TSGA10: variants seen among roughly 807,000 people sequenced by gnomAD.
The protein encoded by TSGA10 is testis specific 10.
A neutral mutation model predicts 96.6 loss-of-function variants in TSGA10; 43 were observed. The observed-to-expected ratio is 0.44, with a 90% CI of 0.35 to 0.57. The LOEUF is 0.57. Ranked by LOEUF, TSGA10 falls within the 20% of genes least tolerant of loss-of-function variation. TSGA10 has a pLI of 0.01. For missense variants in TSGA10, 703 were observed against 834.4 expected (o/e 0.84, Z 1.94); for synonymous variants, 229 against 269.9 (o/e 0.85, Z 1.48).
chr2:99,037,425 A>T (rs1333220910), intron 16 of TSGA10, among the ~76,000 whole-genome samples: 1 of 152,366 alleles, frequency 6.6e-6, no homozygotes, highest in Admixed American at 6.5e-5. Context: ...TCACAAAAAA[A>T]ATTTAGAATA....
At chr2:99,105,863 G>T (rs906913871) in intron 7 of TSGA10, among the ~76,000 whole-genome samples, 166 bp from the exon 8 acceptor site, 1 of 152,074 alleles carries the variant, frequency 6.6e-6, no homozygotes, top group Non-Finnish European at 1.5e-5. Context: ...AAATGAAAAT[G>T]AATATATTTA....
At chr2:99,129,852 T>C (rs537669945) in intron 1 of TSGA10, among the ~76,000 whole-genome samples, 2 of 152,350 alleles carry the variant, frequency 1.3e-5, no homozygotes, top group East Asian at 1.9e-4. Flanking sequence ...GAGTTCTCAC[T>C]GTTTAACTCC....
chr2:99,005,274 G>A (rs1558692828), intron 20 of TSGA10, among the ~76,000 whole-genome samples: 1 of 152,172 alleles, frequency 6.6e-6, no homozygotes, highest in Non-Finnish European at 1.5e-5. Context: ...TCAACATTCT[G>A]TTGGAAGTGC....
At chr2:99,012,427 A>G (rs947495472) in intron 20 of TSGA10, among the ~76,000 whole-genome samples, 5 of 152,188 alleles carry the variant, frequency 3.3e-5, no homozygotes, top group Admixed American at 2.6e-4. Flanking sequence ...AGTATCTGCT[A>G]TCTTCAAGAG....
Position 99,068,902 on chromosome 2 carries a change from T to C in TSGA10, c.1204A>G (p.Ile402Val), listed in dbSNP as rs752123580. 6.9e-7 allele frequency: 1 copy of C among 1,440,652 alleles called. No individual in the cohort carries two copies. The highest frequency in any genetic ancestry group is 9.2e-7 in the Non-Finnish European group (1 of 1,091,582). The allele number at this position is 1,440,652 out of a possible 1,614,324, so 89.2% of individuals were successfully genotyped here. A position where few individuals can be genotyped will look rare whatever the true frequency, so the allele number is the denominator to read the frequency against. Residue 402 changes from isoleucine (I) to valine (V), a missense_variant, in exon 15 of 21, where the codon ATA becomes GTA. By Grantham distance (29) the Ile-to-Val change is conservative. This residue lies in a region of TSGA10 where 585 missense variants were observed against 656.8 expected (regional missense o/e 0.89). Coordinates refer to ENST00000393483, the MANE Select transcript of TSGA10 (RefSeq NM_025244.4). ...AAAATACATACTTCAGACTTTAATATATTCTTCAGCTTGTTAACCTCCAAA... is the reference window on the plus strand; with the variant it reads ...AAAATACATACTTCAGACTTTAATACATTCTTCAGCTTGTTAACCTCCAAA... Reference protein sequence around the residue: ...TNLEVNKLKNILKSEESENRQ... With the variant: ...TNLEVNKLKNVLKSEESENRQ...
chr2:99,053,815 A>G (rs1021990087), intron 16 of TSGA10, among the ~76,000 whole-genome samples: 2 of 152,210 alleles, frequency 1.3e-5, no homozygotes, highest in Non-Finnish European at 2.9e-5. Flanking sequence ...CCCATTTATA[A>G]TAGCATAAGA....
chr2:99,113,169 G>A (rs781327108), intron 4 of TSGA10, among the ~76,000 whole-genome samples: 8 of 152,104 alleles, frequency 5.3e-5, no homozygotes, highest in Non-Finnish European at 7.4e-5. Context: ...AGTTGAGGTG[G>A]TTTTAATGTA....
intron 17 of TSGA10, among the ~76,000 whole-genome samples, chr2:99,032,349 A>G (rs1284487561): frequency 6.6e-6 from 1 of 152,232 alleles, no homozygotes; most frequent in Non-Finnish European, 1.5e-5. Context: ...TAAGACTATC[A>G]ACAAAAGGAA....
chr2:99,101,889 G>T, intron 10 of TSGA10: 1 of 580,252 alleles, frequency 1.7e-6, no homozygotes, highest in Non-Finnish European at 3.1e-6. Context: ...TTGACTGGAG[G>T]GGGAAATAGG....
intron 17 of TSGA10, among the ~76,000 whole-genome samples, chr2:99,029,419 AT>A (rs943035170): frequency 1.1e-4 from 17 of 152,206 alleles, no homozygotes; most frequent in African/African-American, 4.1e-4. Flanking sequence ...CAGTAAATGT[AT>A]TTAAAAAAAA....
At chr2:99,044,437 A>C (rs1428663255) in intron 16 of TSGA10, among the ~76,000 whole-genome samples, 2 of 152,208 alleles carry the variant, frequency 1.3e-5, no homozygotes, top group South Asian at 4.1e-4. Context: ...GAGACAAAGA[A>C]GGGCATAAAA....
chr2:99,086,025 T>C (rs1176023840), intron 10 of TSGA10, among the ~76,000 whole-genome samples: 1 of 152,098 alleles, frequency 6.6e-6, no homozygotes, highest in East Asian at 1.9e-4. Flanking sequence ...TTTCAATAAA[T>C]ACACCAAAGC....
chr2:99,144,362 G>A (rs916501622), intron 1 of TSGA10, among the ~76,000 whole-genome samples: 1 of 151,700 alleles, frequency 6.6e-6, no homozygotes, highest in African/African-American at 2.4e-5. Context: ...TCCTTATGCC[G>A]AGGCCTGAAA....
At chr2:99,118,810 A>G in intron 2 of TSGA10, 124 bp from the exon 3 acceptor site, 1 of 246,444 alleles carries the variant, frequency 4.1e-6, no homozygotes, top group South Asian at 1.5e-4. Flanking sequence ...TACTTGAGGA[A>G]ATACAAAGAC....
rs200885485 is a variant in TSGA10, at chr2:99,106,564, A to G, written c.211-867T>C. On this transcript the variant is annotated intron_variant, in intron 7 of 20. Transcript: ENST00000393483. ...TTCCTGCGACACATTAAAAAAAAAA[A>G]GTCCCATGGTCTATAACTATTGCCA... Among the ~76,000 whole-genome samples the G allele has an allele frequency of 2.4e-4, 35 of 148,212 alleles. No homozygotes were observed. The East Asian group carries it at 6.1e-3, about 26-fold the overall frequency.
At chr2:99,087,885 T>C (rs920164120) in intron 10 of TSGA10, among the ~76,000 whole-genome samples, 1 of 151,952 alleles carries the variant, frequency 6.6e-6, no homozygotes, top group Non-Finnish European at 1.5e-5. Flanking sequence ...AAAGAAGATA[T>C]ATAAATGGCA....
intron 20 of TSGA10, among the ~76,000 whole-genome samples, chr2:99,014,598 C>T (rs1392869891): frequency 6.6e-6 from 1 of 151,986 alleles, no homozygotes; most frequent in Non-Finnish European, 1.5e-5. Context: ...GAAACAAGAA[C>T]AAACCAAACC....
intron 16 of TSGA10, among the ~76,000 whole-genome samples, chr2:99,035,843 A>G (rs1463007146): frequency 6.6e-6 from 1 of 152,148 alleles, no homozygotes; most frequent in African/African-American, 2.4e-5. Flanking sequence ...CCACTGTTTT[A>G]TTCACAACAT....
intron 20 of TSGA10, among the ~76,000 whole-genome samples, chr2:99,017,062 G>A (rs1319498609): frequency 1.3e-5 from 2 of 152,170 alleles, no homozygotes; most frequent in Admixed American, 6.5e-5. Context: ...GGTGGAAATG[G>A]AAACTAGTAC....
Sources: allele counts gnomAD v4.1 joint callset (sites outside exome capture counted in the v4.1 genomes callset), GRCh38; gene constraint gnomAD v4.1.1; regional missense constraint gnomAD v4.1.1; transcripts MANE v1.5; gene names NCBI Gene and HGNC (gene_info 2026-07-23, HGNC 2026-07-21).